The following CDH18 variants were observed in gnomAD, a reference collection of about 807,000 sequenced individuals.
The protein encoded by CDH18 is cadherin-18.
CDH18 carries 31 observed loss-of-function variants against 67.9 expected under a neutral mutation model. That is an observed-to-expected ratio of 0.46 (90% CI 0.34 to 0.62). The LOEUF (loss-of-function observed/expected upper bound fraction) is 0.62. Ranked by LOEUF, CDH18 falls within the 20% of genes least tolerant of loss-of-function variation. The pLI, the probability that CDH18 is intolerant of heterozygous loss-of-function variation, is 0.01. For missense variants in CDH18, 890 were observed against 975.5 expected (o/e 0.91, Z 1.17); for synonymous variants, 362 against 347.2 (o/e 1.04, Z -0.48).
chr5:19,536,589 G>A (rs1486493842), intron 9 of CDH18, among the ~76,000 whole-genome samples: 3 of 152,136 alleles, frequency 2.0e-5, no homozygotes, highest in Non-Finnish European at 4.4e-5. Context: ...GGAACTAAAT[G>A]GAGCTATGAT....
At chr5:19,810,588 TTTGA>T (rs1385328951) in intron 3 of CDH18, among the ~76,000 whole-genome samples, 5 of 151,880 alleles carry the variant, frequency 3.3e-5, no homozygotes, top group Non-Finnish European at 7.4e-5. Context: ...AATCAATATA[TTTGA>T]TTAAGTAAAT....
chr5:19,546,078 C>G (rs1380938439), intron 8 of CDH18, among the ~76,000 whole-genome samples: 1 of 152,090 alleles, frequency 6.6e-6, no homozygotes, highest in South Asian at 2.1e-4. Flanking sequence ...AAGGAAGGAG[C>G]TAACAACTGG....
intron 6 of CDH18, among the ~76,000 whole-genome samples, chr5:19,594,744 A>G (rs2150042281): frequency 6.6e-6 from 1 of 152,262 alleles, no homozygotes. Context: ...TCCCTGTAAA[A>G]AAATGTCATT....
At chr5:19,654,778 G>A (rs1407199357) in intron 5 of CDH18, among the ~76,000 whole-genome samples, 1 of 152,164 alleles carries the variant, frequency 6.6e-6, no homozygotes, top group Non-Finnish European at 1.5e-5. Flanking sequence ...CCCGGAGGGA[G>A]GTAGCTCTCA....
chr5:19,833,849 C>G (rs1781318588), intron 3 of CDH18, among the ~76,000 whole-genome samples: 1 of 152,216 alleles, frequency 6.6e-6, no homozygotes, highest in African/African-American at 2.4e-5. Flanking sequence ...GTTGAACCAG[C>G]CTTGAATCCC....
intron 2 of CDH18, among the ~76,000 whole-genome samples, chr5:19,999,494 C>T (rs751607780): frequency 4.6e-5 from 7 of 152,062 alleles, no homozygotes; most frequent in African/African-American, 1.2e-4. Flanking sequence ...CCCAGCTACT[C>T]GGGAGGCTGA....
intron 1 of CDH18, among the ~76,000 whole-genome samples, chr5:20,298,507 G>C (rs1188630998): frequency 1.3e-5 from 2 of 152,096 alleles, no homozygotes; most frequent in African/African-American, 2.4e-5. Flanking sequence ...TTAACTCATT[G>C]AGAATAATAT....
intron 2 of CDH18, among the ~76,000 whole-genome samples, chr5:19,882,764 C>A (rs1787789645): frequency 2.0e-5 from 3 of 151,792 alleles, no homozygotes; most frequent in Non-Finnish European, 4.4e-5. Flanking sequence ...AGAATTAATG[C>A]CCTAAGAGAA....
At chr5:19,750,856 T>C (rs936045703) in intron 3 of CDH18, among the ~76,000 whole-genome samples, 3 of 146,766 alleles carry the variant, frequency 2.0e-5, no homozygotes, top group Non-Finnish European at 3.0e-5. Flanking sequence ...CTTAGAGCCA[T>C]GGGATTTTGC....
At chr5:20,351,192 G>GTGTA (rs1580811306) in intron 1 of CDH18, among the ~76,000 whole-genome samples, 1 of 94,702 alleles carries the variant, frequency 1.1e-5, no homozygotes, top group Non-Finnish European at 2.5e-5. Context: ...GTGTGTGTGT[G>GTGTA]CGTGTGTGTT....
intron 2 of CDH18, among the ~76,000 whole-genome samples, chr5:20,154,718 T>C (rs1751387939): frequency 6.6e-6 from 1 of 152,158 alleles, no homozygotes; most frequent in South Asian, 2.1e-4. Flanking sequence ...AGAATGATCT[T>C]GTTAAAATTC....
intron 1 of CDH18, among the ~76,000 whole-genome samples, chr5:20,498,294 GTTT>G (rs1231697979): frequency 2.0e-5 from 3 of 152,004 alleles, no homozygotes; most frequent in Admixed American, 6.6e-5. Flanking sequence ...TTCAAAATGT[GTTT>G]CTGAATCTAA....
intron 1 of CDH18, among the ~76,000 whole-genome samples, chr5:20,491,198 A>ATTT (rs1263334741): frequency 7.3e-6 from 1 of 136,580 alleles, no homozygotes; most frequent in African/African-American, 3.3e-5. Flanking sequence ...TATTTGGTTT[A>ATTT]TTATTATTAT....
intron 1 of CDH18, among the ~76,000 whole-genome samples, chr5:20,374,311 G>T (rs1434087076): frequency 6.6e-6 from 1 of 152,186 alleles, no homozygotes; most frequent in African/African-American, 2.4e-5. Context: ...TATTGAGAAA[G>T]AAATTATTTC....
chr5:20,499,307 A>T (rs1561066561), intron 1 of CDH18, among the ~76,000 whole-genome samples: 1 of 152,066 alleles, frequency 6.6e-6, no homozygotes, highest in Non-Finnish European at 1.5e-5. Context: ...TACAAACTAC[A>T]ATGTAAATGC....
intron 1 of CDH18, among the ~76,000 whole-genome samples, chr5:20,282,078 T>C (rs1272256003): frequency 6.6e-6 from 1 of 152,194 alleles, no homozygotes; most frequent in Non-Finnish European, 1.5e-5. Context: ...CCTGAGACTT[T>C]GCTGAAGTTG....
intron 2 of CDH18, among the ~76,000 whole-genome samples, chr5:20,249,127 T>C (rs10043565): frequency 0.11 from 16,247 of 152,128 alleles, 1,220 homozygotes; most frequent in African/African-American, 0.21. Flanking sequence ...AAAATAGATA[T>C]GTTAGTATTC....
At chr5:20,492,379 CT>C (rs1391478686) in intron 1 of CDH18, among the ~76,000 whole-genome samples, 1 of 152,042 alleles carries the variant, frequency 6.6e-6, no homozygotes, top group Non-Finnish European at 1.5e-5. Context: ...GCAGTTATTT[CT>C]TTCATTTAAC....
intron 1 of CDH18, among the ~76,000 whole-genome samples, chr5:20,270,870 C>CGTTT (rs1745386194): frequency 2.0e-5 from 3 of 152,024 alleles, no homozygotes; most frequent in Non-Finnish European, 2.9e-5. Flanking sequence ...CCTTAGCAAC[C>CGTTT]TCTAATGCAG....
Sources: allele counts gnomAD v4.1 joint callset (sites outside exome capture counted in the v4.1 genomes callset), GRCh38; gene constraint gnomAD v4.1.1; transcripts MANE v1.5; gene names NCBI Gene and HGNC (gene_info 2026-07-23, HGNC 2026-07-21).